Variants in PTPRT observed in about 807,000 individuals in gnomAD.
PTPRT encodes the protein protein tyrosine phosphatase receptor type T, also known as receptor-type tyrosine-protein phosphatase T.
PTPRT carries 56 observed loss-of-function variants against 176.8 expected under a neutral mutation model. The ratio of observed to expected loss-of-function variants is 0.32; its 90% CI spans 0.26 to 0.40. The LOEUF (loss-of-function observed/expected upper bound fraction) is 0.40, where lower values mean the gene tolerates loss of function less well. Ranked by LOEUF, PTPRT falls within the 10% of genes least tolerant of loss-of-function variation. The pLI, the probability that PTPRT is intolerant of heterozygous loss-of-function variation, is 1.00. For missense variants in PTPRT, 1,540 were observed against 1,908.2 expected (o/e 0.81, Z 3.60); for synonymous variants, 783 against 739.0 (o/e 1.06, Z -0.96).
chr20:42,851,851 C>G (rs954832783), intron 2 of PTPRT, among the ~76,000 whole-genome samples: 4 of 152,202 alleles, frequency 2.6e-5, no homozygotes, highest in Non-Finnish European at 5.9e-5. Flanking sequence ...GCAATCTATG[C>G]TTATGTACGG....
At chr20:42,750,871 G>A (rs972744589) in intron 6 of PTPRT, among the ~76,000 whole-genome samples, 4 of 152,182 alleles carry the variant, frequency 2.6e-5, no homozygotes, top group African/African-American at 9.7e-5. Flanking sequence ...GTCTGGACCA[G>A]GTAGGTTGAG....
chr20:42,847,503 A>C (rs536562310), intron 2 of PTPRT, among the ~76,000 whole-genome samples: 60 of 152,298 alleles, frequency 3.9e-4, no homozygotes, highest in African/African-American at 1.4e-3. Context: ...CGTGAACACC[A>C]CTAGCACAGC....
At chr20:42,698,883 G>A (rs761959307) in intron 6 of PTPRT, among the ~76,000 whole-genome samples, 2 of 152,250 alleles carry the variant, frequency 1.3e-5, no homozygotes, top group Non-Finnish European at 2.9e-5. Flanking sequence ...ATGAATGAAC[G>A]AACAAATAAA....
intron 1 of PTPRT, among the ~76,000 whole-genome samples, chr20:43,188,759 G>GGC (rs1555845672): frequency 1.3e-5 from 2 of 149,116 alleles, no homozygotes; most frequent in South Asian, 4.4e-4. Context: ...TGGGGGGGGG[G>GGC]GGGCTCGGGG....
At chr20:42,883,955 A>AC (rs1297800094) in intron 2 of PTPRT, among the ~76,000 whole-genome samples, 2 of 150,628 alleles carry the variant, frequency 1.3e-5, no homozygotes, top group South Asian at 2.1e-4. Context: ...ACACCCATAC[A>AC]CCCCCATACA....
intron 1 of PTPRT, among the ~76,000 whole-genome samples, chr20:43,095,104 T>C (rs2146313929): frequency 6.6e-6 from 1 of 152,196 alleles, no homozygotes; most frequent in East Asian, 1.9e-4. Flanking sequence ...CATGCCCATT[T>C]GGGAGCCTTG....
rs1245791233 is a variant in PTPRT at position 43,189,630 on chromosome 20, G to A, written c.88+16C>T. The A allele has an allele frequency of 8.0e-7, 1 of 1,246,832 alleles. No homozygotes were observed. The highest frequency in any genetic ancestry group is 1.0e-6 in the Non-Finnish European group (1 of 995,458). The allele number at this position is 1,246,832 out of a possible 1,614,324, so 77.2% of individuals were successfully genotyped here. On this transcript the variant is annotated intron_variant, in intron 1 of 30. Coordinates refer to ENST00000373187, the MANE Select transcript of PTPRT (RefSeq NM_007050.6). This position sits in a 1 kb window ranked among gnomAD's most constrained non-coding sequence, Gnocchi z 5.0. ...AGGGAGCGGGGAGCCCAGGGGAGCCGGGCGGGCGCACTCACCTGCGGCGCT... is the reference window on the plus strand; with the variant it reads ...AGGGAGCGGGGAGCCCAGGGGAGCCAGGCGGGCGCACTCACCTGCGGCGCT...
intron 6 of PTPRT, among the ~76,000 whole-genome samples, chr20:42,688,824 T>C (rs942242472): frequency 6.6e-6 from 1 of 152,178 alleles, no homozygotes. Flanking sequence ...AGATATCATA[T>C]TCTGCCTAAC....
At chr20:43,136,765 A>C (rs1568806172) in intron 1 of PTPRT, among the ~76,000 whole-genome samples, 1 of 152,166 alleles carries the variant, frequency 6.6e-6, no homozygotes, top group Non-Finnish European at 1.5e-5. Flanking sequence ...TTCCTAATAA[A>C]ATGAATTAAT....
At chr20:42,167,528 C>A (rs1989880029) in intron 16 of PTPRT, among the ~76,000 whole-genome samples, 1 of 152,210 alleles carries the variant, frequency 6.6e-6, no homozygotes, top group South Asian at 2.1e-4. Flanking sequence ...TTACCAGTAT[C>A]AATGTATTTC....
In PTPRT at chr20:42,675,372, AC is replaced by A. The variant is rs568535242; in HGVS notation, c.1153+2493del. Among the ~76,000 whole-genome samples the A allele has an allele frequency of 3.3e-4, 51 of 152,366 alleles. No individual in the cohort carries two copies. The South Asian group carries it at 9.3e-3, about 28-fold the overall frequency. On this transcript the variant is annotated intron_variant, in intron 7 of 30. Coordinates refer to ENST00000373187, the MANE Select transcript of PTPRT (RefSeq NM_007050.6). ...TTGGGGATGGGACCCAAGTCCAAAC[AC>A]AAAATTCATTTATGTTTTATATATA...
intron 9 of PTPRT, among the ~76,000 whole-genome samples, chr20:42,392,612 C>A (rs1290279188): frequency 6.6e-6 from 1 of 152,188 alleles, no homozygotes; most frequent in African/African-American, 2.4e-5. Flanking sequence ...GCAACATAAT[C>A]ACAGCTGCTT....
intron 14 of PTPRT, among the ~76,000 whole-genome samples, chr20:42,238,983 G>C (rs2056299064): frequency 6.6e-6 from 1 of 151,942 alleles, no homozygotes; most frequent in Non-Finnish European, 1.5e-5. Context: ...ACTCACATTA[G>C]ATATGATATG....
rs796739547 is a variant in PTPRT, at chr20:42,351,934, G to A, written c.1762+150C>T. ...TTCATCACTTAGATTTTCTTCATAGGAGACAACAATGGTAACTCACTAGGG... is the reference window on the plus strand; with the variant it reads ...TTCATCACTTAGATTTTCTTCATAGAAGACAACAATGGTAACTCACTAGGG... On this transcript the variant is annotated intron_variant, in intron 10 of 30. Coordinates refer to ENST00000373187, the MANE Select transcript of PTPRT (RefSeq NM_007050.6). 1.0e-5 allele frequency: 7 copies of A among 673,694 alleles called. No individual in the cohort carries two copies. In the African/African-American group the frequency reaches 1.3e-4, roughly 12 times the overall value. 41.7% of individuals were successfully genotyped at this position (673,694 alleles called of 1,614,324 possible).
chr20:43,107,453 G>T (rs8122210), intron 1 of PTPRT, among the ~76,000 whole-genome samples: 1 of 152,320 alleles, frequency 6.6e-6, no homozygotes, highest in East Asian at 1.9e-4. Flanking sequence ...TCCTCTGGTT[G>T]AAAGAATGAA....
At chr20:42,411,069 T>C (rs2059010763) in intron 9 of PTPRT, among the ~76,000 whole-genome samples, 2 of 151,940 alleles carry the variant, frequency 1.3e-5, no homozygotes, top group African/African-American at 4.8e-5. Context: ...AAGAAGGAAA[T>C]ACTAAAGGTA....
chr20:42,119,334 A>G (rs868263158), intron 20 of PTPRT, among the ~76,000 whole-genome samples: 1 of 152,204 alleles, frequency 6.6e-6, no homozygotes, highest in Admixed American at 6.5e-5. Flanking sequence ...TATGTAACCA[A>G]CGTACCAATT....
chr20:42,848,409 T>C (rs1310214956), intron 2 of PTPRT, among the ~76,000 whole-genome samples: 4 of 152,232 alleles, frequency 2.6e-5, no homozygotes, highest in African/African-American at 9.6e-5. Context: ...CTGTTTTGTA[T>C]AGTGGTTGTA....
chr20:42,859,063 GGAGAAGGGACTCCAGTA>G (rs1339000026), intron 2 of PTPRT, among the ~76,000 whole-genome samples: 2 of 152,150 alleles, frequency 1.3e-5, no homozygotes, highest in African/African-American at 4.8e-5. Flanking sequence ...TGCAGCGTCA[GGAGAAGGGACTCCAGTA>G]GATAGCGTTC....
Sources: allele counts gnomAD v4.1 joint callset (sites outside exome capture counted in the v4.1 genomes callset), GRCh38; gene constraint gnomAD v4.1.1; non-coding constraint Gnocchi (gnomAD v3.1); transcripts MANE v1.5; gene names NCBI Gene and HGNC (gene_info 2026-07-23, HGNC 2026-07-21).